The following EPHX2 variants were observed in gnomAD, a reference collection of about 807,000 sequenced individuals.
The protein encoded by EPHX2 is epoxide hydrolase 2, also known as bifunctional epoxide hydrolase 2.
Under a neutral mutation model 78.7 loss-of-function variants are expected in EPHX2, and 74 were observed. That is an observed-to-expected ratio of 0.94 (90% CI 0.78 to 1.14). The LOEUF (loss-of-function observed/expected upper bound fraction) is 1.14. Ranked by LOEUF, EPHX2 falls within the 50% of genes most tolerant of loss-of-function variation. The pLI is 0.00. For missense variants in EPHX2, 715 were observed against 702.5 expected (o/e 1.02, Z -0.20); for synonymous variants, 251 against 255.2 (o/e 0.98, Z 0.16).
At chr8:27,513,391 G>A (rs1013824379) in intron 6 of EPHX2, among the ~76,000 whole-genome samples, 2 of 152,176 alleles carry the variant, frequency 1.3e-5, no homozygotes, top group East Asian at 1.9e-4. Context: ...GGGCTGGATT[G>A]TAACCGTGGA....
chr8:27,538,816 C>G (rs757146858), intron 14 of EPHX2, 124 bp downstream of exon 14: 2 of 1,109,752 alleles, frequency 1.8e-6, no homozygotes, highest in African/African-American at 3.1e-5. Context: ...GTTGCCCAAC[C>G]AGGGTCCCCT....
chr8:27,542,362 C>G (rs928670717), intron 16 of EPHX2, among the ~76,000 whole-genome samples: 13 of 152,204 alleles, frequency 8.5e-5, no homozygotes, highest in African/African-American at 3.1e-4. Flanking sequence ...TACTTAACCC[C>G]TCTGATCCAC....
At chr8:27,516,917 C>CTTTTTTTTTTTTTTTT (rs145423911) in intron 8 of EPHX2, among the ~76,000 whole-genome samples, 1 of 144,194 alleles carries the variant, frequency 6.9e-6, no homozygotes, top group African/African-American at 2.7e-5. Flanking sequence ...AATTTCCTTC[C>CTTTTTTTTTTTTTTTT]TATTTTTTTT....
chr8:27,532,239 C>A (rs768539638), intron 12 of EPHX2, among the ~76,000 whole-genome samples: 101 of 152,060 alleles, frequency 6.6e-4, no homozygotes, highest in Non-Finnish European at 8.1e-4. Context: ...CAAGATACCC[C>A]CTGGAGACAT....
chr8:27,503,873 G>A (rs747123450), intron 3 of EPHX2, 110 bp downstream of exon 3: 29 of 1,345,422 alleles, frequency 2.2e-5, no homozygotes, highest in African/African-American at 1.3e-4. Flanking sequence ...TCTGAGCCAC[G>A]ATGGAAAGCC....
chr8:27,546,083 C>T (rs762568298), downstream of EPHX2, among the ~76,000 whole-genome samples: 1 of 150,160 alleles, frequency 6.7e-6, no homozygotes, highest in South Asian at 2.1e-4. Flanking sequence ...ATGTTCTCGT[C>T]GCGCCACTGC....
intron 9 of EPHX2, among the ~76,000 whole-genome samples, chr8:27,519,304 G>T (rs1390007331): frequency 1.3e-5 from 2 of 152,224 alleles, no homozygotes; most frequent in Admixed American, 6.5e-5. Flanking sequence ...TGACGTGCTG[G>T]TGCAAGCTTC....
At chr8:27,538,443 G>A (rs544359596) in intron 13 of EPHX2, among the ~76,000 whole-genome samples, 6 of 152,254 alleles carry the variant, frequency 3.9e-5, no homozygotes, top group East Asian at 1.9e-4. Flanking sequence ...TCGTGAGCCC[G>A]CTCTTTACTT....
intron 10 of EPHX2, 31 bp downstream of exon 10, chr8:27,520,940 G>A: frequency 6.2e-7 from 1 of 1,613,732 alleles, no homozygotes; most frequent in Non-Finnish European, 8.5e-7. Context: ...GATATCTTTG[G>A]AGAATTCCTT....
At chr8:27,540,757 A>T in intron 15 of EPHX2, 101 bp downstream of exon 15, 1 of 1,087,958 alleles carries the variant, frequency 9.2e-7, no homozygotes, top group Non-Finnish European at 1.4e-6. Context: ...CCTCCACCAC[A>T]GCCCTCGTTA....
At chr8:27,533,454 C>T (rs984901759) in intron 12 of EPHX2, among the ~76,000 whole-genome samples, 4 of 152,210 alleles carry the variant, frequency 2.6e-5, no homozygotes, top group African/African-American at 7.2e-5. Context: ...GAAAGAGAGT[C>T]GGAAGATCTC....
chr8:27,499,448 C>T (rs1300837170), intron 1 of EPHX2, among the ~76,000 whole-genome samples: 2 of 152,212 alleles, frequency 1.3e-5, no homozygotes, highest in African/African-American at 2.4e-5. Context: ...TGGTCCAGAG[C>T]TGACCACTGT....
chr8:27,496,297 A>G (rs1298285592), intron 1 of EPHX2, among the ~76,000 whole-genome samples: 1 of 152,194 alleles, frequency 6.6e-6, no homozygotes, highest in Non-Finnish European at 1.5e-5. Flanking sequence ...CTGAAGGACC[A>G]GAGTGCCTGT....
chr8:27,538,032 G>A (rs1368529697), intron 13 of EPHX2, among the ~76,000 whole-genome samples: 3 of 152,168 alleles, frequency 2.0e-5, no homozygotes, highest in Non-Finnish European at 2.9e-5. Flanking sequence ...TGTTGTTATT[G>A]TTGTTGTTGT....
chr8:27,514,212 T>G (rs190846665), intron 6 of EPHX2, among the ~76,000 whole-genome samples: 2 of 151,792 alleles, frequency 1.3e-5, no homozygotes, highest in African/African-American at 4.8e-5. Context: ...GAGACTGAGG[T>G]GGGAGGATCG....
rs1420217493 is a variant in EPHX2 at position 27,491,266 on chromosome 8, T to A, written c.58T>A (p.Phe20Ile). Residue 20 changes from phenylalanine (F) to isoleucine (I), a missense_variant, in exon 1 of 19, where the codon TTC (phenylalanine) becomes ATC (isoleucine). Coordinates refer to ENST00000521400, the MANE Select transcript of EPHX2 (RefSeq NM_001979.6). ...CGGGGTGCTGGCGCTGCCAGCGGTGTTCGGCGTCCTCGGCCGCACGGAGGA... is the reference window on the plus strand; with the variant it reads ...CGGGGTGCTGGCGCTGCCAGCGGTGATCGGCGTCCTCGGCCGCACGGAGGA... Reference protein sequence around the residue: ...LDGVLALPAVFGVLGRTEEAL... With the variant: ...LDGVLALPAVIGVLGRTEEAL... The A allele has an allele frequency of 1.9e-5, 30 of 1,581,532 alleles. No individual in the cohort carries two copies. The highest frequency in any genetic ancestry group is 2.5e-5 in the Non-Finnish European group (29 of 1,173,020).
At chr8:27,525,105 T>TGCGCGCGC (rs1345689668) in intron 11 of EPHX2, among the ~76,000 whole-genome samples, 224 of 127,538 alleles carry the variant, frequency 1.8e-3, no homozygotes, top group African/African-American at 6.8e-3. Flanking sequence ...TGTGTGTGTG[T>TGCGCGCGC]GTGCGCGCGC....
intron 12 of EPHX2, among the ~76,000 whole-genome samples, chr8:27,536,259 C>CAA (rs57578624): frequency 6.7e-6 from 1 of 149,158 alleles, no homozygotes; most frequent in Admixed American, 6.7e-5. Flanking sequence ...GTTTCTACAG[C>CAA]AAAAAAAAAA....
At chr8:27,521,964 A>G (rs1323499298) in intron 10 of EPHX2, among the ~76,000 whole-genome samples, 1 of 152,180 alleles carries the variant, frequency 6.6e-6, no homozygotes, top group Non-Finnish European at 1.5e-5. Context: ...CATTTTCAAT[A>G]CCAGCAGCGG....
Sources: gnomAD v4.1 joint callset for allele counts (sites outside exome capture counted in the v4.1 genomes callset) on GRCh38, gnomAD v4.1.1 for gene constraint, MANE v1.5 for transcripts, NCBI Gene and HGNC (gene_info 2026-07-23, HGNC 2026-07-21) for gene names.